DSCAML1: variants seen among roughly 807,000 people sequenced by gnomAD.
The protein encoded by DSCAML1 is DS cell adhesion molecule like 1, also known as cell adhesion molecule DSCAML1.
Under a neutral mutation model 200.5 loss-of-function variants are expected in DSCAML1, and 38 were observed. That is an observed-to-expected ratio of 0.19 (90% CI 0.15 to 0.25). DSCAML1 has a LOEUF of 0.25. DSCAML1 is among the 10% of genes least tolerant of loss of function. DSCAML1 has a pLI of 1.00. For synonymous variants in DSCAML1, 1,215 were observed against 1,165.0 expected, an observed-to-expected ratio of 1.04 and a Z score of -0.87; for missense variants, 2,223 against 2,858.8, an observed-to-expected ratio of 0.78 and a Z score of 5.07.
At chr11:117,520,118 C>T (rs1262904407) in intron 6 of DSCAML1, among the ~76,000 whole-genome samples, 1 of 152,202 alleles carries the variant, frequency 6.6e-6, no homozygotes, top group Non-Finnish European at 1.5e-5. Flanking sequence ...TGCCAGCCCC[C>T]ACTGCTCCTT....
chr11:117,451,164 G>A (rs1478987159), intron 19 of DSCAML1, among the ~76,000 whole-genome samples: 2 of 152,208 alleles, frequency 1.3e-5, no homozygotes, highest in Non-Finnish European at 2.9e-5. Flanking sequence ...TGCCCTTGGA[G>A]TGCTGGCTGG....
intron 3 of DSCAML1, among the ~76,000 whole-genome samples, chr11:117,760,266 A>G (rs2054775981): frequency 6.6e-6 from 1 of 152,256 alleles, no homozygotes; most frequent in Non-Finnish European, 1.5e-5. Context: ...GATCGTTTTT[A>G]GAAGGAACAT....
chr11:117,645,351 C>T (rs1355334939), intron 3 of DSCAML1, among the ~76,000 whole-genome samples: 2 of 152,080 alleles, frequency 1.3e-5, no homozygotes, highest in African/African-American at 4.8e-5. Flanking sequence ...TTTCTCTCCT[C>T]CCTGGAATTA....
intron 3 of DSCAML1, among the ~76,000 whole-genome samples, chr11:117,681,177 G>GCAAA (rs1313741416): frequency 6.6e-6 from 1 of 152,088 alleles, no homozygotes; most frequent in Non-Finnish European, 1.5e-5. Context: ...TTGACTCCCA[G>GCAAA]CAAACCCCTT....
chr11:117,554,958 C>T (rs755572585), intron 3 of DSCAML1, among the ~76,000 whole-genome samples: 25 of 152,222 alleles, frequency 1.6e-4, no homozygotes, highest in Admixed American at 5.2e-4. Flanking sequence ...ACTGCTTCCA[C>T]GTCCCCTGCC....
intron 3 of DSCAML1, among the ~76,000 whole-genome samples, chr11:117,690,640 TGGA>T (rs1248248058): frequency 6.6e-6 from 1 of 152,218 alleles, no homozygotes; most frequent in African/African-American, 2.4e-5. Context: ...ATGACAGAGC[TGGA>T]GGAGGAGCCC....
At chr11:117,763,956 G>C (rs925506175) in intron 3 of DSCAML1, among the ~76,000 whole-genome samples, 2 of 152,018 alleles carry the variant, frequency 1.3e-5, no homozygotes, top group African/African-American at 4.8e-5. Context: ...ACAAAAGATG[G>C]GTGTCCCCCA....
At chr11:117,717,738 G>A (rs1463241118) in intron 3 of DSCAML1, among the ~76,000 whole-genome samples, 1 of 152,180 alleles carries the variant, frequency 6.6e-6, no homozygotes, top group Non-Finnish European at 1.5e-5. Context: ...CAAGCCCAGT[G>A]CCTGGCACAC....
chr11:117,434,657 C>A (rs1412998774), intron 27 of DSCAML1, among the ~76,000 whole-genome samples: 1 of 152,038 alleles, frequency 6.6e-6, no homozygotes, highest in Non-Finnish European at 1.5e-5. Context: ...ATCCTTACAC[C>A]CAGCCATCTA....
chr11:117,564,057 G>A (rs1425066475), intron 3 of DSCAML1, among the ~76,000 whole-genome samples: 1 of 152,186 alleles, frequency 6.6e-6, no homozygotes, highest in African/African-American at 2.4e-5. Flanking sequence ...GGAGTTCACC[G>A]AGGTGGAGGG....
At chr11:117,738,508 G>A (rs2054364143) in intron 3 of DSCAML1, among the ~76,000 whole-genome samples, 1 of 152,104 alleles carries the variant, frequency 6.6e-6, no homozygotes. Context: ...TGCGCACACA[G>A]GTAATGCACA....
intron 3 of DSCAML1, among the ~76,000 whole-genome samples, chr11:117,746,221 CAAAAAAAAAAA>C (rs34362262): frequency 1.5e-5 from 1 of 66,822 alleles, no homozygotes; most frequent in Non-Finnish European, 2.5e-5. Flanking sequence ...GACTCTGTCT[CAAAAAAAAAAA>C]AAAAAAAAAA....
intron 20 of DSCAML1, among the ~76,000 whole-genome samples, chr11:117,448,079 G>T (rs2048215476): frequency 6.6e-6 from 1 of 152,196 alleles, no homozygotes; most frequent in Non-Finnish European, 1.5e-5. Flanking sequence ...ACATGAAGAA[G>T]ATGGAGGGAG....
intron 3 of DSCAML1, among the ~76,000 whole-genome samples, chr11:117,707,447 C>T (rs550261741): frequency 1.1e-4 from 16 of 152,316 alleles, no homozygotes; most frequent in African/African-American, 3.4e-4. Flanking sequence ...TGAACATCTC[C>T]CAGGTCAGCC....
intron 17 of DSCAML1, among the ~76,000 whole-genome samples, chr11:117,464,231 T>G (rs1298782141): frequency 1.3e-5 from 2 of 152,138 alleles, no homozygotes. Flanking sequence ...CTCTGCTGCT[T>G]CTTTATTCTG....
At chr11:117,695,317 T>TTC (rs1167999923) in intron 3 of DSCAML1, among the ~76,000 whole-genome samples, 6 of 127,354 alleles carry the variant, frequency 4.7e-5, no homozygotes, top group African/African-American at 2.6e-4. Context: ...TTCTTTTTCT[T>TTC]TTTTTTTTTT....
At chr11:117,790,132 G>A (rs547794728) in intron 1 of DSCAML1, among the ~76,000 whole-genome samples, 2 of 152,276 alleles carry the variant, frequency 1.3e-5, no homozygotes, top group Non-Finnish European at 2.9e-5. Flanking sequence ...GTCTCGACTC[G>A]GCAGAGTTTT....
intron 11 of DSCAML1, among the ~76,000 whole-genome samples, chr11:117,488,573 G>C (rs2049125564): frequency 6.6e-6 from 1 of 151,990 alleles, no homozygotes; most frequent in Admixed American, 6.6e-5. Context: ...CAGAGGGGCA[G>C]TGTCAGAAAC....
intron 23 of DSCAML1, 139 bp downstream of exon 23, chr11:117,439,127 T>C (rs983556440): frequency 2.9e-6 from 4 of 1,363,354 alleles, no homozygotes; most frequent in Middle Eastern, 1.8e-4. Flanking sequence ...TCCCCTTCCA[T>C]GTGCACCTCT....
Sources: gnomAD v4.1 joint callset for allele counts (sites outside exome capture counted in the v4.1 genomes callset) on GRCh38, gnomAD v4.1.1 for gene constraint, MANE v1.5 for transcripts, NCBI Gene and HGNC (gene_info 2026-07-23, HGNC 2026-07-21) for gene names.